Variants in DLEU7 observed in about 807,000 individuals in gnomAD.
DLEU7 encodes deleted in lymphocytic leukemia 7.
DLEU7 carries 17 observed loss-of-function variants against 16.0 expected under a neutral mutation model. The ratio of observed to expected loss-of-function variants is 1.06; its 90% confidence interval spans 0.73 to 1.59. DLEU7 has a LOEUF of 1.59. Among genes scored for constraint, DLEU7 ranks in the 40% most tolerant of loss-of-function variants. DLEU7 has a pLI of 0.00. For synonymous variants in DLEU7, 113 were observed against 139.8 expected (o/e 0.81, Z 1.35); for missense variants, 308 against 314.9 (o/e 0.98, Z 0.17).
At chr13:50,725,605 A>C (rs958822349) in intron 1 of DLEU7, among the ~76,000 whole-genome samples, 1 of 152,160 alleles carries the variant, frequency 6.6e-6, no homozygotes, top group Non-Finnish European at 1.5e-5. Flanking sequence ...GCATAATTTC[A>C]TGTTTTCATC....
At chr13:50,741,002 C>T (rs1437456306) in intron 1 of DLEU7, among the ~76,000 whole-genome samples, 1 of 152,134 alleles carries the variant, frequency 6.6e-6, no homozygotes, top group Non-Finnish European at 1.5e-5. Context: ...GTGTCCCTAC[C>T]ACCACCTGCT....
At chr13:50,750,576 G>A (rs1164573768) in intron 1 of DLEU7, among the ~76,000 whole-genome samples, 1 of 152,156 alleles carries the variant, frequency 6.6e-6, no homozygotes, top group African/African-American at 2.4e-5. Context: ...AGCATGGGAT[G>A]TGTTCTCATT....
At chr13:50,752,896 T>C (rs1227269337) in intron 1 of DLEU7, among the ~76,000 whole-genome samples, 6 of 152,152 alleles carry the variant, frequency 3.9e-5, no homozygotes, top group Non-Finnish European at 7.4e-5. Flanking sequence ...TATTCTCTTA[T>C]CTGGCCCCAC....
chr13:50,774,356 G>A (rs113485051), intron 1 of DLEU7, among the ~76,000 whole-genome samples: 1,534 of 152,232 alleles, frequency 0.01, 24 homozygotes, highest in African/African-American at 0.035. Flanking sequence ...CATCGATCAC[G>A]CTGGGAGCTA....
chr13:50,722,026 G>T (rs567133636), intron 1 of DLEU7, among the ~76,000 whole-genome samples: 4 of 152,106 alleles, frequency 2.6e-5, no homozygotes, highest in Non-Finnish European at 4.4e-5. Context: ...TTCCTTCACA[G>T]AGAAAGGTGA....
At chr13:50,825,009 T>C (rs959774984) in intron 1 of DLEU7, among the ~76,000 whole-genome samples, 24 of 152,144 alleles carry the variant, frequency 1.6e-4, no homozygotes, top group African/African-American at 5.3e-4. Flanking sequence ...CAGAAGACAA[T>C]TTTTTTCCAT....
intron 1 of DLEU7, among the ~76,000 whole-genome samples, chr13:50,784,692 C>T (rs897523797): frequency 6.6e-6 from 1 of 152,338 alleles, no homozygotes; most frequent in South Asian, 2.1e-4. Flanking sequence ...TGCCACTTCT[C>T]CCTAGCGGTG....
At chr13:50,825,832 GC>G (rs1877064310) in intron 1 of DLEU7, among the ~76,000 whole-genome samples, 1 of 152,142 alleles carries the variant, frequency 6.6e-6, no homozygotes, top group Admixed American at 6.5e-5. Flanking sequence ...AACACCTAGT[GC>G]TTTTCTTAAC....
intron 1 of DLEU7, among the ~76,000 whole-genome samples, chr13:50,825,206 A>C (rs1003305528): frequency 9.9e-5 from 15 of 152,224 alleles, no homozygotes; most frequent in African/African-American, 3.6e-4. Context: ...TGATTGGCAA[A>C]ATTTTCTTGT....
At chr13:50,773,637 T>A (rs1003951394) in intron 1 of DLEU7, among the ~76,000 whole-genome samples, 1 of 152,156 alleles carries the variant, frequency 6.6e-6, no homozygotes, top group African/African-American at 2.4e-5. Context: ...TGATCCTTCC[T>A]CTGGAAGCTT....
intron 1 of DLEU7, among the ~76,000 whole-genome samples, chr13:50,781,507 G>A (rs1029200207): frequency 2.0e-5 from 3 of 152,096 alleles, no homozygotes; most frequent in African/African-American, 7.2e-5. Context: ...CTTTGAAAAC[G>A]GCTGCTCTAG....
chr13:50,817,959 A>G (rs1876785618), downstream of DLEU7, among the ~76,000 whole-genome samples: 1 of 152,114 alleles, frequency 6.6e-6, no homozygotes, highest in South Asian at 2.1e-4. Context: ...GCTCTAACTA[A>G]AAGATCACCA....
rs1875858805 is a variant in DLEU7, at chr13:50,788,592, T to A, written c.459+54596A>T. Among the ~76,000 whole-genome samples the A allele has an allele frequency of 2.0e-5, 3 of 152,066 alleles. No individual in the cohort carries two copies. In the South Asian group the frequency reaches 6.2e-4, roughly 31 times the overall value. The stretch of plus-strand genomic sequence containing the variant: ...CAGAGCAACCACTCTGTCCTCTGTG[T>A]CCTAGAGTGACAAGCAGAGTGAGAC... On this transcript the variant is annotated intron_variant, in intron 1 of 1. Transcript: ENST00000400393.
In DLEU7 at chr13:50,753,323, G is replaced by A. The variant is rs1327146993; in HGVS notation, c.460-40083C>T. On this transcript the variant is annotated intron_variant, in intron 1 of 1. Coordinates refer to the DLEU7 transcript ENST00000400393. ...CATGCACCTGCACTCCTCAGCCCTT[G>A]CGTGGTCAATGGGACTGGGCGCCCT... 2.0e-5 allele frequency among the ~76,000 whole-genome samples: 3 copies of A among 152,256 alleles called. No individual in the cohort carries two copies. The East Asian group carries it at 5.8e-4, about 29-fold the overall frequency.
intron 1 of DLEU7, among the ~76,000 whole-genome samples, chr13:50,783,530 G>T (rs917498518): frequency 4.6e-5 from 7 of 152,198 alleles, no homozygotes; most frequent in Non-Finnish European, 8.8e-5. Context: ...ACTATGATTA[G>T]CTTAGACCAG....
intron 1 of DLEU7, among the ~76,000 whole-genome samples, chr13:50,714,400 G>A (rs774456867): frequency 2.2e-4 from 34 of 152,164 alleles, no homozygotes; most frequent in Non-Finnish European, 3.5e-4. Context: ...CATATCATTA[G>A]AATGTTAAAC....
chr13:50,789,194 T>C (rs879398415), intron 1 of DLEU7, among the ~76,000 whole-genome samples: 4 of 151,276 alleles, frequency 2.6e-5, no homozygotes, highest in African/African-American at 7.3e-5. Flanking sequence ...CAGGTTAGCA[T>C]GTTAATTCTC....
chr13:50,743,173 A>AAAGG lies in DLEU7; in HGVS notation c.460-29937_460-29934dup, dbSNP rs1369702221. On this transcript the variant is annotated intron_variant, in intron 1 of 1. Coordinates refer to the DLEU7 transcript ENST00000400393. Reference sequence around the variant, plus strand: ...GAGAGAGAGAATGAAAGAGAAAGAAAAAGGCAGGCAGGCAGGCAGGCAGGC... The same window carrying AAAGG: ...GAGAGAGAGAATGAAAGAGAAAGAAAAAGGAAGGCAGGCAGGCAGGCAGGCAGGC... Among the ~76,000 whole-genome samples the AAAGG allele has an allele frequency of 8.2e-3, 1,241 of 150,538 alleles. 11 individuals are homozygous for AAAGG. The highest frequency in any genetic ancestry group is 0.017 in the African/African-American group (695 of 40,912).
chr13:50,770,002 G>A (rs1021367958), intron 1 of DLEU7, among the ~76,000 whole-genome samples: 11 of 152,060 alleles, frequency 7.2e-5, no homozygotes, highest in African/African-American at 2.7e-4. Flanking sequence ...TTGTAAGTTG[G>A]ATTCCTAGGT....
Sources: allele counts gnomAD v4.1 joint callset (sites outside exome capture counted in the v4.1 genomes callset), GRCh38; gene constraint gnomAD v4.1.1; transcripts MANE v1.5; gene names NCBI Gene and HGNC (gene_info 2026-07-23, HGNC 2026-07-21).